The following PPP2R2B variants were observed in gnomAD, a reference collection of about 807,000 sequenced individuals.
PPP2R2B encodes serine/threonine-protein phosphatase 2A 55 kDa regulatory subunit B beta isoform.
Under a neutral mutation model 46.0 loss-of-function variants are expected in PPP2R2B, and 5 were observed. The ratio of observed to expected loss-of-function variants is 0.11; its 90% CI spans 0.06 to 0.23. PPP2R2B has a LOEUF of 0.23. PPP2R2B is among the 10% of genes least tolerant of loss of function. PPP2R2B has a pLI of 1.00. For synonymous variants in PPP2R2B, 215 were observed against 206.7 expected (o/e 1.04, Z -0.34); for missense variants, 367 against 575.0 (o/e 0.64, Z 3.70).
intron 1 of PPP2R2B, among the ~76,000 whole-genome samples, chr5:146,890,490 T>C (rs1166421355): frequency 2.6e-5 from 4 of 152,220 alleles, no homozygotes; most frequent in Non-Finnish European, 5.9e-5. Context: ...GTAAACTTAG[T>C]TCATCATGTG....
At chr5:146,685,771 G>C (rs926114393) in intron 5 of PPP2R2B, among the ~76,000 whole-genome samples, 2 of 152,280 alleles carry the variant, frequency 1.3e-5, no homozygotes, top group African/African-American at 4.8e-5. Context: ...CTGACAGGAG[G>C]ACAGAAACAG....
chr5:146,686,816 C>G (rs1028360694), intron 5 of PPP2R2B, among the ~76,000 whole-genome samples: 1 of 152,158 alleles, frequency 6.6e-6, no homozygotes, highest in Non-Finnish European at 1.5e-5. Context: ...CACCACCCAA[C>G]TTCCATTTCA....
intron 2 of PPP2R2B, among the ~76,000 whole-genome samples, chr5:147,078,907 T>C: frequency 6.6e-6 from 1 of 152,050 alleles, no homozygotes; most frequent in African/African-American, 2.4e-5. Context: ...AAAGTTCAAA[T>C]GATTTTGAAT....
intron 3 of PPP2R2B, among the ~76,000 whole-genome samples, chr5:146,698,937 C>G (rs184907954): frequency 3.6e-4 from 54 of 148,882 alleles, no homozygotes; most frequent in African/African-American, 1.3e-3. Flanking sequence ...TCTGCAGAAA[C>G]AGGAAGAAAA....
chr5:146,895,563 C>T (rs909673603), intron 1 of PPP2R2B, among the ~76,000 whole-genome samples: 1 of 152,094 alleles, frequency 6.6e-6, no homozygotes, highest in African/African-American at 2.4e-5. Context: ...TGTTTCATCA[C>T]CGTGTACATG....
intron 1 of PPP2R2B, among the ~76,000 whole-genome samples, chr5:147,038,370 T>C (rs958775827): frequency 2.6e-5 from 4 of 152,172 alleles, no homozygotes; most frequent in African/African-American, 9.7e-5. Flanking sequence ...CCCCTGGGGA[T>C]TGAATTCTCC....
chr5:147,035,208 C>A (rs1208495037), intron 1 of PPP2R2B: 1 of 442,032 alleles, frequency 2.3e-6, no homozygotes. Context: ...AACTTACAAT[C>A]ATGGCAGAAG....
intron 7 of PPP2R2B, among the ~76,000 whole-genome samples, chr5:146,625,975 G>C (rs1392755843): frequency 6.6e-6 from 1 of 152,180 alleles, no homozygotes; most frequent in Non-Finnish European, 1.5e-5. Context: ...CATGGAATGT[G>C]GGCAGCCTCT....
At chr5:146,736,815 A>T (rs1302687349) in intron 2 of PPP2R2B, among the ~76,000 whole-genome samples, 1 of 152,234 alleles carries the variant, frequency 6.6e-6, no homozygotes, top group Admixed American at 6.5e-5. Context: ...ACCTAGTGGT[A>T]TACATTTCTG....
chr5:146,705,200 T>A (rs1349597748), intron 2 of PPP2R2B, among the ~76,000 whole-genome samples: 1 of 152,206 alleles, frequency 6.6e-6, no homozygotes, highest in Non-Finnish European at 1.5e-5. Context: ...ATTTGGTAGA[T>A]AATATCATAA....
chr5:146,637,912 A>G (rs1170440342), intron 7 of PPP2R2B, among the ~76,000 whole-genome samples: 1 of 152,116 alleles, frequency 6.6e-6, no homozygotes, highest in Admixed American at 6.6e-5. Context: ...GCCACCCTTC[A>G]ACGGTCTCCT....
At chr5:146,809,216 TG>T (rs1757380745) in intron 2 of PPP2R2B, among the ~76,000 whole-genome samples, 1 of 152,168 alleles carries the variant, frequency 6.6e-6, no homozygotes, top group African/African-American at 2.4e-5. Flanking sequence ...CTTTCTGCTT[TG>T]GAAATTAAGG....
chr5:146,922,084 T>C (rs1010218724), intron 1 of PPP2R2B, among the ~76,000 whole-genome samples: 3 of 152,178 alleles, frequency 2.0e-5, no homozygotes, highest in African/African-American at 7.2e-5. Context: ...AACTGTATGC[T>C]AAACTGTACC....
chr5:146,985,629 A>G (rs1580755993), intron 1 of PPP2R2B, among the ~76,000 whole-genome samples: 2 of 152,220 alleles, frequency 1.3e-5, no homozygotes, highest in African/African-American at 4.8e-5. Context: ...CAAAAATAAA[A>G]GATGAAAAGT....
intron 2 of PPP2R2B, among the ~76,000 whole-genome samples, chr5:146,763,991 T>TAATCACA (rs1254496887): frequency 1.3e-5 from 2 of 152,158 alleles, no homozygotes; most frequent in African/African-American, 4.8e-5. Context: ...CCTCCCAAAG[T>TAATCACA]GCTGGGATTA....
chr5:147,062,214 C>T (rs1361027992), intron 2 of PPP2R2B, among the ~76,000 whole-genome samples: 1 of 152,174 alleles, frequency 6.6e-6, no homozygotes, highest in Non-Finnish European at 1.5e-5. Context: ...GACTGTACAG[C>T]CTTGTAGCCT....
chr5:147,047,062 G>T (rs935786486), intron 1 of PPP2R2B, among the ~76,000 whole-genome samples: 1 of 152,024 alleles, frequency 6.6e-6, no homozygotes, highest in East Asian at 1.9e-4. Context: ...AATTTCTCAA[G>T]GGACATCACA....
intron 1 of PPP2R2B, among the ~76,000 whole-genome samples, chr5:146,936,044 C>A (rs930003820): frequency 6.6e-6 from 1 of 152,166 alleles, no homozygotes; most frequent in Non-Finnish European, 1.5e-5. Flanking sequence ...ATGGGAGCTA[C>A]AGCTGTTGCT....
At chr5:147,070,351 A>G (rs1383165) in intron 2 of PPP2R2B, among the ~76,000 whole-genome samples, 101,860 of 152,050 alleles carry the variant, frequency 0.67, 34,491 homozygotes, top group Middle Eastern at 0.78. Flanking sequence ...AGCTCTATAT[A>G]ATAGACTAAA....
Sources: allele counts gnomAD v4.1 joint callset (sites outside exome capture counted in the v4.1 genomes callset), GRCh38; gene constraint gnomAD v4.1.1; transcripts MANE v1.5; gene names NCBI Gene and HGNC (gene_info 2026-07-23, HGNC 2026-07-21).